PHF24: variants seen among roughly 807,000 people sequenced by gnomAD.
PHF24 encodes PHD finger protein 24.
A neutral mutation model predicts 42.6 loss-of-function variants in PHF24; 25 were observed. That is an observed-to-expected ratio of 0.59 (90% CI 0.43 to 0.82). The LOEUF (loss-of-function observed/expected upper bound fraction) is 0.82. Ranked by LOEUF, PHF24 falls within the 40% of genes least tolerant of loss-of-function variation. PHF24 has a pLI of 0.00. For synonymous variants in PHF24, 185 were observed against 204.8 expected, an observed-to-expected ratio of 0.90 and a Z score of 0.83; for missense variants, 470 against 538.1, an observed-to-expected ratio of 0.87 and a Z score of 1.25.
chr9:34,899,415 A>G, the PHF24 span, among the ~76,000 whole-genome samples: 1 of 152,226 alleles, frequency 6.6e-6, no homozygotes, highest in Admixed American at 6.5e-5. Flanking sequence ...CCTTGTAAAG[A>G]AACATGTGAC....
chr9:34,961,034 T>C (rs1312338364), intron 1 of PHF24, among the ~76,000 whole-genome samples: 1 of 152,234 alleles, frequency 6.6e-6, no homozygotes, highest in Non-Finnish European at 1.5e-5. Context: ...CATTGTCTTC[T>C]TCTAACATTT....
the PHF24 span, among the ~76,000 whole-genome samples, chr9:34,868,325 C>T: frequency 6.6e-6 from 1 of 152,200 alleles, no homozygotes; most frequent in African/African-American, 2.4e-5. Flanking sequence ...AACATTCATT[C>T]AACAAAGTAT....
At chr9:34,842,673 C>G in the PHF24 span, among the ~76,000 whole-genome samples, 1 of 152,200 alleles carries the variant, frequency 6.6e-6, no homozygotes, top group African/African-American at 2.4e-5. Flanking sequence ...GCACCTCGAT[C>G]TTGTACATCC....
the PHF24 span, chr9:34,918,109 T>C: frequency 4.5e-6 from 7 of 1,545,326 alleles, no homozygotes; most frequent in Non-Finnish European, 6.3e-6. Context: ...ATCAACAACT[T>C]TTCTGCTGGT....
chr9:34,761,246 A>C, the PHF24 span, among the ~76,000 whole-genome samples: 1 of 152,306 alleles, frequency 6.6e-6, no homozygotes, highest in Non-Finnish European at 1.5e-5. Context: ...TGTTCTAAAT[A>C]AAGGAAAATT....
At chr9:34,763,147 G>C in the PHF24 span, among the ~76,000 whole-genome samples, 4 of 152,184 alleles carry the variant, frequency 2.6e-5, no homozygotes, top group African/African-American at 4.8e-5. Flanking sequence ...CTCCAGCTTT[G>C]TTCTTTTGGC....
the PHF24 span, chr9:34,709,137 T>A: frequency 5.2e-6 from 3 of 575,070 alleles, no homozygotes; most frequent in African/African-American, 5.6e-5. Flanking sequence ...ACAGTCCTGC[T>A]GCCTCCTCTC....
At chr9:34,670,227 T>G in the PHF24 span, among the ~76,000 whole-genome samples, 1 of 152,230 alleles carries the variant, frequency 6.6e-6, no homozygotes, top group Non-Finnish European at 1.5e-5. Flanking sequence ...ACACAGCACT[T>G]TCCTGAGTTC....
the PHF24 span, among the ~76,000 whole-genome samples, chr9:34,773,635 G>A: frequency 4.6e-5 from 7 of 152,288 alleles, no homozygotes; most frequent in Middle Eastern, 3.4e-3. Flanking sequence ...ATAAGTAAAC[G>A]GGAGAGAAGA....
chr9:34,744,779 A>G, the PHF24 span, among the ~76,000 whole-genome samples: 1 of 152,140 alleles, frequency 6.6e-6, no homozygotes, highest in African/African-American at 2.4e-5. Flanking sequence ...CTGCTGCTCT[A>G]AAGAATAGGT....
At chr9:34,795,206 T>C in the PHF24 span, among the ~76,000 whole-genome samples, 1 of 151,490 alleles carries the variant, frequency 6.6e-6, no homozygotes, top group African/African-American at 2.4e-5. Flanking sequence ...ATCATGCCAC[T>C]GCACTCCAGT....
At chr9:34,698,755 C>G in the PHF24 span, among the ~76,000 whole-genome samples, 13 of 152,196 alleles carry the variant, frequency 8.5e-5, no homozygotes, top group African/African-American at 2.9e-4. Flanking sequence ...GCTGGGATTA[C>G]AGGTGTGAGC....
upstream of PHF24, among the ~76,000 whole-genome samples, chr9:34,952,891 A>C (rs1192322196): frequency 6.6e-6 from 1 of 152,262 alleles, no homozygotes; most frequent in South Asian, 2.1e-4. Context: ...CTTTTCAACA[A>C]AGTGTGCTAA....
At chr9:34,787,407 G>A in the PHF24 span, among the ~76,000 whole-genome samples, 959 of 152,240 alleles carry the variant, frequency 6.3e-3, 2 homozygotes, top group Non-Finnish European at 0.011. Context: ...AATTTGAGAT[G>A]TATCTAGGCA....
the PHF24 span, among the ~76,000 whole-genome samples, chr9:34,766,494 A>G: frequency 1.3e-5 from 2 of 152,122 alleles, no homozygotes; most frequent in Non-Finnish European, 2.9e-5. Context: ...TGGTCTCATC[A>G]GCTCCTGAGG....
the PHF24 span, chr9:34,665,737 C>T: frequency 1.4e-6 from 1 of 697,906 alleles, no homozygotes; most frequent in Non-Finnish European, 2.6e-6. Flanking sequence ...CCTTCTCCGT[C>T]ATTCTCAGGA....
the PHF24 span, among the ~76,000 whole-genome samples, chr9:34,865,838 C>A: frequency 6.6e-6 from 1 of 152,222 alleles, no homozygotes; most frequent in African/African-American, 2.4e-5. Flanking sequence ...CTGAGAACTT[C>A]AGTTCCTCAC....
the PHF24 span, chr9:34,709,053 A>AT: frequency 1.1e-5 from 4 of 370,506 alleles, no homozygotes; most frequent in Non-Finnish European, 1.9e-5. Flanking sequence ...TATAAATCAT[A>AT]TTTACAAGGA....
chr9:34,751,766 A>G, the PHF24 span, among the ~76,000 whole-genome samples: 1 of 152,230 alleles, frequency 6.6e-6, no homozygotes, highest in South Asian at 2.1e-4. Context: ...TCTCCTCAGC[A>G]CATGGATCAT....
Sources: gnomAD v4.1 joint callset for allele counts (sites outside exome capture counted in the v4.1 genomes callset) on GRCh38, gnomAD v4.1.1 for gene constraint, MANE v1.5 for transcripts, NCBI Gene and HGNC (gene_info 2026-07-23, HGNC 2026-07-21) for gene names.